Variants in ASTN2 observed in about 807,000 individuals in gnomAD.
ASTN2 encodes the protein astrotactin-2.
Under a neutral mutation model 139.8 loss-of-function variants are expected in ASTN2, and 54 were observed. The ratio of observed to expected loss-of-function variants is 0.39; its 90% CI spans 0.31 to 0.48. The LOEUF (loss-of-function observed/expected upper bound fraction) is 0.48, where lower values mean the gene tolerates loss of function less well. Ranked by LOEUF, ASTN2 falls within the 20% of genes least tolerant of loss-of-function variation. The pLI is 0.95. For missense variants in ASTN2, 1,565 were observed against 1,725.1 expected, an observed-to-expected ratio of 0.91 and a Z score of 1.64; for synonymous variants, 756 against 719.5, an observed-to-expected ratio of 1.05 and a Z score of -0.81.
chr9:117,112,802 A>G (rs955758408), intron 4 of ASTN2, among the ~76,000 whole-genome samples: 2 of 152,160 alleles, frequency 1.3e-5, no homozygotes, highest in Non-Finnish European at 2.9e-5. Flanking sequence ...AAAAGACACC[A>G]CTAAGAAAAG....
intron 19 of ASTN2, among the ~76,000 whole-genome samples, chr9:116,527,298 C>A (rs1340132837): frequency 6.6e-6 from 1 of 152,010 alleles, no homozygotes; most frequent in Non-Finnish European, 1.5e-5. Context: ...GGGCTAATAT[C>A]TAAAATATAT....
intron 6 of ASTN2, among the ~76,000 whole-genome samples, chr9:117,023,854 G>A (rs759885537): frequency 4.6e-5 from 7 of 152,088 alleles, no homozygotes; most frequent in Non-Finnish European, 1.0e-4. Context: ...GAGAAGGATG[G>A]GGACTGAAAT....
chr9:116,425,971 G>A lies in ASTN2; in HGVS notation c.3900C>T (p.Ser1300=), dbSNP rs776023473. The change falls in exon 23 of 23, where the codon AGC becomes AGT. Residue 1300 remains serine, a synonymous_variant. Transcript: ENST00000313400. ...VETVPYLFCR[S]EEVRPAGMVW... is the part of the protein sequence containing the mutation. ...CCATGCCTGCAGGCCGGACCTCCTCGCTGCGGCAGAAAAGATAGGGCACTG... is the reference window on the plus strand; with the variant it reads ...CCATGCCTGCAGGCCGGACCTCCTCACTGCGGCAGAAAAGATAGGGCACTG... 7.4e-6 allele frequency: 12 copies of A among 1,614,108 alleles called. No homozygotes were observed. The highest frequency in any genetic ancestry group is 1.3e-5 in the African/African-American group (1 of 75,040).
At chr9:117,252,901 T>C (rs1236806832) in intron 2 of ASTN2, among the ~76,000 whole-genome samples, 1 of 152,166 alleles carries the variant, frequency 6.6e-6, no homozygotes, top group Non-Finnish European at 1.5e-5. Context: ...GCACTTCAGA[T>C]GGTGCCTGGC....
intron 5 of ASTN2, among the ~76,000 whole-genome samples, chr9:117,040,234 T>C (rs1294585209): frequency 2.0e-5 from 3 of 152,200 alleles, no homozygotes; most frequent in Admixed American, 1.3e-4. Flanking sequence ...ATGGCAATTT[T>C]CACTCCTCCC....
At chr9:117,278,327 C>A (rs917828121) in intron 2 of ASTN2, among the ~76,000 whole-genome samples, 2 of 152,200 alleles carry the variant, frequency 1.3e-5, no homozygotes, top group Non-Finnish European at 2.9e-5. Context: ...GATAAGATTT[C>A]CTTCCACACA....
At chr9:117,296,461 A>G (rs1834740211) in intron 1 of ASTN2, among the ~76,000 whole-genome samples, 1 of 152,130 alleles carries the variant, frequency 6.6e-6, no homozygotes, top group South Asian at 2.1e-4. Context: ...GAACAGTAAC[A>G]TGACCAAAAC....
chr9:116,763,102 GA>G (rs1246502428), intron 13 of ASTN2, among the ~76,000 whole-genome samples: 1 of 152,042 alleles, frequency 6.6e-6, no homozygotes, highest in Non-Finnish European at 1.5e-5. Flanking sequence ...CCTTTCTGAG[GA>G]CCCCCAATAA....
chr9:117,237,200 A>C (rs970174678), intron 2 of ASTN2, among the ~76,000 whole-genome samples: 1 of 152,202 alleles, frequency 6.6e-6, no homozygotes, highest in African/African-American at 2.4e-5. Context: ...AATGACAAAA[A>C]ACGCAATTAC....
chr9:116,686,759 TC>T, intron 16 of ASTN2: 1 of 1,550,624 alleles, frequency 6.4e-7, no homozygotes. Flanking sequence ...GCTGTCGGCC[TC>T]CCAGCTGAGT....
intron 11 of ASTN2, among the ~76,000 whole-genome samples, chr9:116,854,972 C>CA (rs1554754486): frequency 1.3e-5 from 2 of 151,814 alleles, no homozygotes; most frequent in African/African-American, 4.9e-5. Context: ...TTATTCCCCC[C>CA]CCACCATTAT....
chr9:116,730,916 T>A (rs1159079063), intron 14 of ASTN2, among the ~76,000 whole-genome samples: 2 of 152,172 alleles, frequency 1.3e-5, no homozygotes, highest in Admixed American at 1.3e-4. Flanking sequence ...GCTTCTCCAA[T>A]GGAATGGATG....
At chr9:116,794,435 G>A (rs1036844797) in intron 13 of ASTN2, among the ~76,000 whole-genome samples, 1 of 152,112 alleles carries the variant, frequency 6.6e-6, no homozygotes, top group Non-Finnish European at 1.5e-5. Flanking sequence ...CTACAAATTT[G>A]CATTAGGCCA....
intron 10 of ASTN2, among the ~76,000 whole-genome samples, chr9:116,938,005 T>A (rs973297565): frequency 1.3e-5 from 2 of 152,210 alleles, no homozygotes; most frequent in Admixed American, 6.5e-5. Flanking sequence ...CTTTGTGAGA[T>A]AGGCATTGAT....
intron 13 of ASTN2, among the ~76,000 whole-genome samples, chr9:116,741,364 G>T (rs1281028257): frequency 6.6e-6 from 1 of 152,094 alleles, no homozygotes; most frequent in Non-Finnish European, 1.5e-5. Context: ...TTGCAGGGAG[G>T]GGCTTGCTCT....
chr9:116,511,576 T>C (rs1850382646), intron 19 of ASTN2, among the ~76,000 whole-genome samples: 1 of 152,228 alleles, frequency 6.6e-6, no homozygotes, highest in Non-Finnish European at 1.5e-5. Flanking sequence ...TCAGAAGGAA[T>C]GGTACGAGCT....
At chr9:117,273,664 A>C (rs538191977) in intron 2 of ASTN2, among the ~76,000 whole-genome samples, 17 of 152,176 alleles carry the variant, frequency 1.1e-4, no homozygotes, top group Non-Finnish European at 1.3e-4. Flanking sequence ...TTCATTGCCC[A>C]TTCCTCCATG....
At chr9:116,895,307 C>T (rs1833855436) in intron 10 of ASTN2, among the ~76,000 whole-genome samples, 2 of 152,142 alleles carry the variant, frequency 1.3e-5, no homozygotes, top group African/African-American at 4.8e-5. Context: ...GTCCCATCTC[C>T]AGGATATTTC....
At chr9:116,687,978 G>T (rs1408952141) in intron 16 of ASTN2, among the ~76,000 whole-genome samples, 1 of 152,034 alleles carries the variant, frequency 6.6e-6, no homozygotes, top group East Asian at 1.9e-4. Context: ...GCTGGCTGAG[G>T]TGTGAAGGCA....
Sources: allele counts gnomAD v4.1 joint callset (sites outside exome capture counted in the v4.1 genomes callset), GRCh38; gene constraint gnomAD v4.1.1; transcripts MANE v1.5; gene names NCBI Gene and HGNC (gene_info 2026-07-23, HGNC 2026-07-21).